Variants in C16orf74 observed in about 807,000 individuals in gnomAD.
C16orf74 encodes the protein calcimembrin, also known as uncharacterized protein C16orf74.
C16orf74 carries 10 observed loss-of-function variants against 6.5 expected under a neutral mutation model. The ratio of observed to expected loss-of-function variants is 1.54; its 90% CI spans 0.95 to 2.61. The LOEUF (loss-of-function observed/expected upper bound fraction) is 2.61, where lower values mean the gene tolerates loss of function less well. Among genes scored for constraint, C16orf74 ranks in the 30% most tolerant of loss-of-function variants. The pLI, the probability that C16orf74 is intolerant of heterozygous loss-of-function variation, is 0.00. For synonymous variants in C16orf74, 60 were observed against 42.5 expected (o/e 1.41, Z -1.60); for missense variants, 141 against 105.9 (o/e 1.33, Z -1.45).
intron 1 of C16orf74, among the ~76,000 whole-genome samples, chr16:85,749,007 C>G (rs547322382): frequency 2.0e-5 from 3 of 150,384 alleles, no homozygotes; most frequent in Non-Finnish European, 3.0e-5. Context: ...TCTCAAACTC[C>G]TGGCCTCAGG....
intron 1 of C16orf74, among the ~76,000 whole-genome samples, chr16:85,747,620 T>C (rs1437776806): frequency 6.6e-6 from 1 of 152,162 alleles, no homozygotes; most frequent in African/African-American, 2.4e-5. Context: ...GGGCATATCA[T>C]CTTGCCCACA....
At chr16:85,716,181 A>G (rs1047175734) in intron 2 of C16orf74, among the ~76,000 whole-genome samples, 1 of 151,872 alleles carries the variant, frequency 6.6e-6, no homozygotes, top group Non-Finnish European at 1.5e-5. Flanking sequence ...AAACCTACAC[A>G]TATAACCTGG....
At chr16:85,723,892 C>G (rs1039139934) in intron 2 of C16orf74, among the ~76,000 whole-genome samples, 2 of 152,238 alleles carry the variant, frequency 1.3e-5, no homozygotes, top group African/African-American at 4.8e-5. Flanking sequence ...AACCAGGCCC[C>G]TGGGAGGGCA....
chr16:85,740,441 G>A (rs1371103882), intron 1 of C16orf74, among the ~76,000 whole-genome samples: 4 of 151,460 alleles, frequency 2.6e-5, no homozygotes, highest in South Asian at 2.1e-4. Context: ...GGTGGCTCAC[G>A]CCTGTAATCC....
intron 1 of C16orf74, among the ~76,000 whole-genome samples, chr16:85,746,689 C>T (rs923716504): frequency 6.6e-6 from 1 of 152,156 alleles, no homozygotes; most frequent in Non-Finnish European, 1.5e-5. Context: ...TGAGTGGGCT[C>T]CAATCCCAGT....
chr16:85,741,673 G>A (rs1314789117), intron 1 of C16orf74: 8 of 170,358 alleles, frequency 4.7e-5, no homozygotes, highest in Middle Eastern at 5.2e-4. Context: ...GCACAAAGGC[G>A]GCAGGCACAG....
chr16:85,727,307 G>T (rs999083015), intron 2 of C16orf74, among the ~76,000 whole-genome samples: 2 of 152,138 alleles, frequency 1.3e-5, no homozygotes, highest in Admixed American at 6.6e-5. Context: ...GTATCATAAC[G>T]GCCAACCACC....
In C16orf74 at chr16:85,707,753, T is replaced by C. The variant is rs1371116634; in HGVS notation, c.*255A>G. On this transcript the variant is annotated 3_prime_UTR_variant, in exon 4 of 4. Transcript: ENST00000284245. ...ACAGCCAGGACCATGGCGCTCCCTT[T>C]CACCAGGCCGGAGTCAGCAAGAACC... 16 of 517,442 alleles carry C rather than the reference T, an allele frequency of 3.1e-5. No homozygotes were observed. Among genetic ancestry groups the C allele is most frequent in the Non-Finnish European group, 5.5e-5 (16 of 290,372 alleles). The allele number at this position is 517,442 out of a possible 1,614,324, so 32.1% of individuals were successfully genotyped here.
chr16:85,723,214 C>T lies in C16orf74; in HGVS notation c.28+11976G>A, dbSNP rs188078791. On this transcript the variant is annotated intron_variant, in intron 2 of 3. Coordinates refer to ENST00000284245, the MANE Select transcript of C16orf74 (RefSeq NM_206967.3). ...GGTGGAGGCTGCAGTGAGCTGAGAT[C>T]GCACCACTGTACTCCAGCCTGGGCA... is the stretch of plus-strand genomic sequence containing the variant. 1.2e-4 allele frequency among the ~76,000 whole-genome samples: 18 copies of T among 145,426 alleles called. No individual in the cohort carries two copies. The East Asian group carries it at 3.3e-3, about 26-fold the overall frequency.
intron 2 of C16orf74, among the ~76,000 whole-genome samples, chr16:85,730,788 T>C (rs991588096): frequency 6.7e-6 from 1 of 149,474 alleles, no homozygotes; most frequent in Non-Finnish European, 1.5e-5. Context: ...TTAAACCCCA[T>C]AGATCAGCCA....
intron 1 of C16orf74, among the ~76,000 whole-genome samples, chr16:85,749,814 C>G (rs796698199): frequency 6.6e-6 from 1 of 152,230 alleles, no homozygotes; most frequent in African/African-American, 2.4e-5. Flanking sequence ...TGCACCCCAC[C>G]GGCATGGGAA....
At chr16:85,747,169 G>C (rs991888580) in intron 1 of C16orf74, among the ~76,000 whole-genome samples, 5 of 152,160 alleles carry the variant, frequency 3.3e-5, no homozygotes, top group Non-Finnish European at 5.9e-5. Flanking sequence ...AAATAATAGA[G>C]CTGAACACCT....
intron 1 of C16orf74, among the ~76,000 whole-genome samples, chr16:85,735,917 G>A (rs1160814800): frequency 6.6e-6 from 1 of 152,132 alleles, no homozygotes; most frequent in African/African-American, 2.4e-5. Flanking sequence ...GCCCCGCAAG[G>A]TACTATTACT....
chr16:85,747,918 T>A lies in C16orf74; in HGVS notation c.-19+3008A>T, dbSNP rs150830005. On this transcript the variant is annotated intron_variant, in intron 1 of 3. Coordinates refer to ENST00000284245, the MANE Select transcript of C16orf74 (RefSeq NM_206967.3). ...CTGGCCAACTTGGTGAAACCCCATC[T>A]CTACTAAAAATACAAAAAAATTAGC... Among the ~76,000 whole-genome samples the A allele has an allele frequency of 9.0e-4, 137 of 152,026 alleles. 1 individual carries two copies. The highest frequency in any genetic ancestry group is 2.4e-3 in the African/African-American group (98 of 41,454).
intron 2 of C16orf74, among the ~76,000 whole-genome samples, chr16:85,713,484 G>A (rs1046281815): frequency 1.3e-5 from 2 of 152,146 alleles, no homozygotes; most frequent in African/African-American, 2.4e-5. Flanking sequence ...TGTTGGCCAG[G>A]CTGGTCTCAA....
intron 1 of C16orf74, among the ~76,000 whole-genome samples, chr16:85,736,344 G>A (rs1008832161): frequency 6.6e-6 from 1 of 152,164 alleles, no homozygotes; most frequent in Non-Finnish European, 1.5e-5. Context: ...GCAACCCGGA[G>A]GCTGGGGAGC....
intron 2 of C16orf74, among the ~76,000 whole-genome samples, chr16:85,723,419 A>AG (rs1403921174): frequency 6.6e-6 from 1 of 151,730 alleles, no homozygotes; most frequent in African/African-American, 2.4e-5. Flanking sequence ...AAAAAAAAAA[A>AG]GTTAAATGCT....
rs1223372010 is a variant in C16orf74, at chr16:85,733,200, T to C, written c.28+1990A>G. Among the ~76,000 whole-genome samples the C allele has an allele frequency of 3.9e-5, 6 of 152,366 alleles. No individual in the cohort carries two copies. The South Asian group carries it at 1.2e-3, about 32-fold the overall frequency. On this transcript the variant is annotated intron_variant, in intron 2 of 3. Coordinates refer to ENST00000284245, the MANE Select transcript of C16orf74 (RefSeq NM_206967.3). ...ATAAAGAAAATGTAGTCTGTCCACA[T>C]GGTGGAATATTATTCAGCCGTGAAA...
intron 1 of C16orf74, among the ~76,000 whole-genome samples, chr16:85,745,997 G>A (rs1192387240): frequency 3.3e-5 from 5 of 152,302 alleles, no homozygotes; most frequent in Admixed American, 1.3e-4. Flanking sequence ...AATACAGGAT[G>A]CCCAGTTATT....
Sources: gnomAD v4.1 joint callset for allele counts (sites outside exome capture counted in the v4.1 genomes callset) on GRCh38, gnomAD v4.1.1 for gene constraint, MANE v1.5 for transcripts, NCBI Gene and HGNC (gene_info 2026-07-23, HGNC 2026-07-21) for gene names.